Variants in PDCD4 observed in about 807,000 individuals in gnomAD.
The protein encoded by PDCD4 is programmed cell death 4.
A neutral mutation model predicts 54.0 loss-of-function variants in PDCD4; 56 were observed. That is an observed-to-expected ratio of 1.04 (90% CI 0.84 to 1.30). The LOEUF (loss-of-function observed/expected upper bound fraction) is 1.30, where lower values mean the gene tolerates loss of function less well. Ranked by LOEUF, PDCD4 falls within the 50% of genes most tolerant of loss-of-function variation. The pLI is 0.00. For synonymous variants in PDCD4, 186 were observed against 194.8 expected (o/e 0.95, Z 0.37); for missense variants, 584 against 559.8 (o/e 1.04, Z -0.44).
At chr10:110,876,419 A>C (rs1445466434) in intron 2 of PDCD4, among the ~76,000 whole-genome samples, 1 of 152,246 alleles carries the variant, frequency 6.6e-6, no homozygotes, top group Admixed American at 6.5e-5. Context: ...TGCTGTAAGA[A>C]AACAGGCTAT....
At chr10:110,889,188 C>A (rs959997569) in intron 6 of PDCD4, among the ~76,000 whole-genome samples, 3 of 140,434 alleles carry the variant, frequency 2.1e-5, no homozygotes, top group African/African-American at 8.1e-5. Flanking sequence ...TGCCACTGCA[C>A]TCCAGCCTGG....
At chr10:110,894,776 G>T (rs1486256131) in intron 10 of PDCD4, among the ~76,000 whole-genome samples, 1 of 149,882 alleles carries the variant, frequency 6.7e-6, no homozygotes, top group Non-Finnish European at 1.5e-5. Flanking sequence ...CTACCTCAAG[G>T]GTTCGGTTTC....
intron 2 of PDCD4, among the ~76,000 whole-genome samples, chr10:110,877,930 G>T (rs1323842649): frequency 3.3e-5 from 5 of 152,158 alleles, no homozygotes; most frequent in Non-Finnish European, 7.3e-5. Context: ...CACATACTAG[G>T]TATGTAATAC....
chr10:110,892,780 C>T (rs542555975), intron 8 of PDCD4, among the ~76,000 whole-genome samples: 17 of 152,212 alleles, frequency 1.1e-4, no homozygotes, highest in African/African-American at 4.1e-4. Context: ...AAGTGCATAG[C>T]CAGTGTATGG....
chr10:110,884,098 C>G (rs1845633523), intron 4 of PDCD4, among the ~76,000 whole-genome samples: 1 of 152,140 alleles, frequency 6.6e-6, no homozygotes, highest in Non-Finnish European at 1.5e-5. Context: ...AGAAGTAATT[C>G]ATAAGTTTTA....
intron 7 of PDCD4, among the ~76,000 whole-genome samples, chr10:110,890,224 A>C (rs1377199513): frequency 6.6e-6 from 1 of 152,202 alleles, no homozygotes; most frequent in East Asian, 1.9e-4. Context: ...GGGCTACTTC[A>C]CATCATAGTG....
In PDCD4 at chr10:110,873,076, C is replaced by T. The variant is rs535367711; in HGVS notation, c.-63+1058C>T. On this transcript the variant is annotated intron_variant, in intron 1 of 11. Transcript: ENST00000280154. ...TCTTAACGTGACTTTTTTGGGAAAC[C>T]ACCAAGTGCTTTTTAAGCAAGGAGT... Among the ~76,000 whole-genome samples the T allele has an allele frequency of 9.9e-5, 15 of 152,240 alleles. No homozygotes were observed. In the South Asian group the frequency reaches 2.1e-3, roughly 21 times the overall value.
intron 10 of PDCD4, 81 bp downstream of exon 10, chr10:110,894,603 GAAATTTTCT>G (rs1342982045): frequency 1.5e-6 from 1 of 654,670 alleles, no homozygotes; most frequent in Non-Finnish European, 2.6e-6. Flanking sequence ...AATTGTCAGT[GAAATTTTCT>G]TTAGGTATGT....
At chr10:110,887,571 A>G (rs910342773) in intron 5 of PDCD4, 94 bp from the exon 6 acceptor site, 5 of 765,294 alleles carry the variant, frequency 6.5e-6, no homozygotes, top group Non-Finnish European at 1.1e-5. Context: ...GTAGAGATAT[A>G]TAGATAAAAG....
At chr10:110,878,381 C>T (rs1321701829) in intron 2 of PDCD4, among the ~76,000 whole-genome samples, 1 of 152,090 alleles carries the variant, frequency 6.6e-6, no homozygotes, top group East Asian at 1.9e-4. Flanking sequence ...TTGAATACTC[C>T]AAGGGACAGT....
rs527490449 is a variant in PDCD4, at chr10:110,879,652, C to CAA, written c.44-1564_44-1563dup. 2.9e-3 allele frequency among the ~76,000 whole-genome samples: 247 copies of CAA among 84,360 alleles called. 1 individual carries two copies. The highest frequency in any genetic ancestry group is 8.7e-3 in the African/African-American group (202 of 23,290). The allele number at this position is 84,360 out of a possible 152,430, so 55.3% of individuals were successfully genotyped here. A position where few individuals can be genotyped will look rare whatever the true frequency, so the allele number is the denominator to read the frequency against. ...TGGGTGACAGAGCGACACGCTGTCT[C>CAA]AAAAAAAAAAAAAAAAAAGTTTACA... is the stretch of plus-strand genomic sequence containing the variant. On this transcript the variant is annotated intron_variant, in intron 2 of 11. Transcript: ENST00000280154.
At chr10:110,878,746 T>G (rs17128102) in intron 2 of PDCD4, among the ~76,000 whole-genome samples, 10,707 of 152,252 alleles carry the variant, frequency 0.07, 788 homozygotes, top group East Asian at 0.33. Flanking sequence ...GTGAAACACA[T>G]TCCTTCTGTA....
intron 6 of PDCD4, 21 bp from the exon 7 acceptor site, chr10:110,889,509 CTCT>C (rs1845723623): frequency 7.5e-7 from 1 of 1,331,298 alleles, no homozygotes; most frequent in Non-Finnish European, 1.1e-6. Flanking sequence ...TTTTTTATAG[CTCT>C]TTTTTTTTTC....
At position 110,889,511 on chromosome 10, in the gene PDCD4, CT is replaced by C. The variant is rs745543372; in HGVS notation, c.778-12del. 3.0e-3 allele frequency: 3,707 copies of C among 1,237,756 alleles called. 3 individuals carry two copies. The highest frequency in any genetic ancestry group is 7.9e-3 in the African/African-American group (507 of 64,158). The allele number at this position is 1,237,756 out of a possible 1,614,324, so 76.7% of individuals were successfully genotyped here. A position where few individuals can be genotyped will look rare whatever the true frequency, so the allele number is the denominator to read the frequency against. ...AAGTTATTTAACTTTTTTTATAGCT[CT>C]TTTTTTTTTCCTTTTTACAGTTGGT... On this transcript the variant is annotated intron_variant, in intron 6 of 11. Transcript: ENST00000280154.
In PDCD4 at chr10:110,899,888, A is replaced by G. The variant is rs2134014377; in HGVS notation, c.*1800A>G. On this transcript the variant is annotated 3_prime_UTR_variant, in exon 12 of 12. Coordinates refer to ENST00000280154, the MANE Select transcript of PDCD4 (RefSeq NM_014456.5). Reference sequence around the variant, plus strand: ...AGCATTAAACGTGACATGGCACATAAAATTGGTTAAAAAATTTTGTTTTTT... The same window carrying G: ...AGCATTAAACGTGACATGGCACATAGAATTGGTTAAAAAATTTTGTTTTTT... 6.5e-6 allele frequency: 1 copy of G among 153,106 alleles called. No homozygotes were observed. Among genetic ancestry groups the G allele is most frequent in the Non-Finnish European group, 1.5e-5 (1 of 68,636 alleles). The allele number at this position is 153,106 out of a possible 1,614,324, so 9.5% of individuals were successfully genotyped here. A position where few individuals can be genotyped will look rare whatever the true frequency, so the allele number is the denominator to read the frequency against.
chr10:110,889,623 C>G lies in PDCD4; in HGVS notation c.868C>G (p.Gln290Glu), dbSNP rs372001367. The change falls in exon 7 of 12, where the codon CAG (glutamine) becomes GAG (glutamate). Residue 290 changes from glutamine (Q) to glutamate (E), a missense_variant. By Grantham distance (29) the Gln-to-Glu change is conservative. Transcript: ENST00000280154. ...DSYKGTVDCV[Q>E]ARAALDKATV... ...TTACAAAGGAACTGTAGATTGTGTG[C>G]AGGCTAGGTAAGTAAATCACTTTTC... 6 of 1,557,296 alleles carry G rather than the reference C, an allele frequency of 3.9e-6. No individual in the cohort carries two copies. Among genetic ancestry groups the G allele is most frequent in the Non-Finnish European group, 5.3e-6 (6 of 1,133,102 alleles).
At chr10:110,892,358 G>A (rs1375764861) in intron 8 of PDCD4, among the ~76,000 whole-genome samples, 1 of 152,048 alleles carries the variant, frequency 6.6e-6, no homozygotes, top group Non-Finnish European at 1.5e-5. Flanking sequence ...AAATTGACAA[G>A]ATAAAAATGG....
intron 1 of PDCD4, among the ~76,000 whole-genome samples, chr10:110,872,756 A>T (rs1005600656): frequency 6.6e-6 from 1 of 152,210 alleles, no homozygotes; most frequent in Non-Finnish European, 1.5e-5. Context: ...GTAAAATAAA[A>T]TCTCCCAGAG....
At chr10:110,877,024 T>C (rs1265458842) in intron 2 of PDCD4, among the ~76,000 whole-genome samples, 1 of 152,226 alleles carries the variant, frequency 6.6e-6, no homozygotes, top group East Asian at 1.9e-4. Flanking sequence ...TGAACAAACA[T>C]GTTGAATTTG....
Sources: gnomAD v4.1 joint callset for allele counts (sites outside exome capture counted in the v4.1 genomes callset) on GRCh38, gnomAD v4.1.1 for gene constraint, MANE v1.5 for transcripts, NCBI Gene and HGNC (gene_info 2026-07-23, HGNC 2026-07-21) for gene names.